The following GABRA5 variants were observed in gnomAD, a reference collection of about 807,000 sequenced individuals.
GABRA5 encodes the protein gamma-aminobutyric acid type A receptor subunit alpha5.
Under a neutral mutation model 47.3 loss-of-function variants are expected in GABRA5, and 18 were observed. That is an observed-to-expected ratio of 0.38 (90% CI 0.26 to 0.56). The LOEUF (loss-of-function observed/expected upper bound fraction) is 0.56, where lower values mean the gene tolerates loss of function less well. Among genes scored for constraint, GABRA5 ranks in the 20% least tolerant of loss-of-function variants. The pLI, the probability that GABRA5 is intolerant of heterozygous loss-of-function variation, is 0.71. For synonymous variants in GABRA5, 237 were observed against 229.3 expected, an observed-to-expected ratio of 1.03 and a Z score of -0.30; for missense variants, 365 against 599.3, an observed-to-expected ratio of 0.61 and a Z score of 4.08.
At chr15:26,867,049 C>T (rs1397732952), upstream of GABRA5, 2 of 152,148 alleles carry the variant, frequency 1.3e-5, no homozygotes, top group African/African-American at 4.8e-5. The surrounding 1 kb of genome is among the most constrained non-coding windows in gnomAD (Gnocchi z 5.9). Context: ...GCGGCCTCTA[C>T]CGGAGCACCT....
chr15:26,898,900 C>T (rs1296288573), intron 6 of GABRA5, among the ~76,000 whole-genome samples: 1 of 152,058 alleles, frequency 6.6e-6, no homozygotes, highest in Admixed American at 6.6e-5. Flanking sequence ...TGTCATTTAT[C>T]TCAATATTTT....
At chr15:26,899,277 C>A (rs997063817) in intron 6 of GABRA5, among the ~76,000 whole-genome samples, 2 of 152,130 alleles carry the variant, frequency 1.3e-5, no homozygotes, top group African/African-American at 4.8e-5. Context: ...TTACTGATTT[C>A]TAGTTTCATT....
chr15:26,933,015 T>C (rs1475082326), intron 7 of GABRA5, among the ~76,000 whole-genome samples: 1 of 151,194 alleles, frequency 6.6e-6, no homozygotes, highest in Non-Finnish European at 1.5e-5. Context: ...ACCTAGGTGA[T>C]GGGTTGATAG....
At chr15:26,923,739 G>A (rs1435815998) in intron 7 of GABRA5, among the ~76,000 whole-genome samples, 1 of 152,042 alleles carries the variant, frequency 6.6e-6, no homozygotes, top group African/African-American at 2.4e-5. Flanking sequence ...ATGGATCTCA[G>A]CTCTTTTGTT....
At position 26,943,393 on chromosome 15, in the gene GABRA5, T is replaced by A; in HGVS notation, c.1056T>A (p.Asp352Glu). 6.3e-7 allele frequency: 1 copy of A among 1,597,752 alleles called. No homozygotes were observed. Among genetic ancestry groups the A allele is most frequent in the South Asian group, 1.1e-5 (1 of 87,930 alleles). ...TTACCAAGAGAGGCTGGGCCTGGGATGGCAAAAAAGCCTTGGAAGCAGCCA... is the reference window on the plus strand; with the variant it reads ...TTACCAAGAGAGGCTGGGCCTGGGAAGGCAAAAAAGCCTTGGAAGCAGCCA... ...NYFTKRGWAW[D>E]GKKALEAAKI... Residue 352 changes from aspartate (D) to glutamate (E), a missense_variant, in exon 10 of 11, where the codon GAT becomes GAA. Asp to Glu is a conservative substitution (Grantham distance 45). Coordinates refer to ENST00000335625, the MANE Select transcript of GABRA5 (RefSeq NM_000810.4).
intron 6 of GABRA5, among the ~76,000 whole-genome samples, chr15:26,893,297 GTATATGGTGTGT>G (rs1893067687): frequency 3.6e-5 from 2 of 56,028 alleles, no homozygotes; most frequent in Non-Finnish European, 8.0e-5. Context: ...TGGCGTGTGT[GTATATGGTGTGT>G]TGTGTGTATA....
chr15:26,904,720 G>A (rs1893402508), intron 6 of GABRA5, among the ~76,000 whole-genome samples: 1 of 152,044 alleles, frequency 6.6e-6, no homozygotes, highest in African/African-American at 2.4e-5. Context: ...CATTCTTTTT[G>A]TGGTAATCAT....
chr15:26,917,232 T>C (rs1893737769), intron 7 of GABRA5, among the ~76,000 whole-genome samples: 2 of 152,120 alleles, frequency 1.3e-5, no homozygotes, highest in Admixed American at 1.3e-4. Flanking sequence ...GCATTTATCA[T>C]ATTGAGGTAA....
Position 26,914,984 on chromosome 15 carries a change from A to G in GABRA5, c.580+99A>G, listed in dbSNP as rs972606811. The G allele has an allele frequency of 4.5e-5, 41 of 904,360 alleles. No individual in the cohort carries two copies. The African/African-American group carries it at 5.6e-4, about 12-fold the overall frequency. The allele number at this position is 904,360 out of a possible 1,614,324, so 56.0% of individuals were successfully genotyped here. ...TAGGTTCTGCATATACATAAGCACA[A>G]TAGGATGCAGTCTGTTTAAGAAGCG... On this transcript the variant is annotated intron_variant, in intron 7 of 10. Coordinates refer to ENST00000335625, the MANE Select transcript of GABRA5 (RefSeq NM_000810.4).
At chr15:26,871,858 G>A (rs1299541497) in intron 3 of GABRA5, among the ~76,000 whole-genome samples, 3 of 152,218 alleles carry the variant, frequency 2.0e-5, no homozygotes, top group African/African-American at 7.2e-5. Context: ...AAATTTTCCT[G>A]TAGTGAACGT....
At chr15:26,919,123 A>C (rs1347167060) in intron 7 of GABRA5, among the ~76,000 whole-genome samples, 1 of 150,416 alleles carries the variant, frequency 6.6e-6, no homozygotes, top group Non-Finnish European at 1.5e-5. Context: ...AGCCTAGGCA[A>C]TAGTGTAACA....
intron 7 of GABRA5, among the ~76,000 whole-genome samples, chr15:26,935,278 A>G (rs769638675): frequency 1.5e-4 from 23 of 152,248 alleles, no homozygotes; most frequent in Non-Finnish European, 2.8e-4. Context: ...GTCATTTAAT[A>G]TTCACTAGTA....
chr15:26,924,813 C>T (rs755384426), intron 7 of GABRA5, among the ~76,000 whole-genome samples: 3 of 152,130 alleles, frequency 2.0e-5, no homozygotes, highest in Admixed American at 6.5e-5. Flanking sequence ...ATCGCACAGG[C>T]ATCAGTTTTT....
At chr15:26,928,749 T>C (rs1221305455) in intron 7 of GABRA5, among the ~76,000 whole-genome samples, 2 of 152,128 alleles carry the variant, frequency 1.3e-5, no homozygotes, top group African/African-American at 4.8e-5. Flanking sequence ...CTGAGGGACT[T>C]AAAAACACCA....
intron 7 of GABRA5, among the ~76,000 whole-genome samples, chr15:26,923,785 C>G (rs1179980785): frequency 6.6e-6 from 1 of 152,122 alleles, no homozygotes; most frequent in Admixed American, 6.6e-5. Context: ...TTCTGTTTTA[C>G]AGATTGGACA....
chr15:26,871,571 G>A (rs7173687), intron 3 of GABRA5, among the ~76,000 whole-genome samples: 97,406 of 151,932 alleles, frequency 0.64, 31,270 homozygotes, highest in Middle Eastern at 0.69. Context: ...CGATACAGAA[G>A]TCGATAATGA....
In GABRA5 at chr15:26,939,957, C is replaced by A; in HGVS notation, c.757C>A (p.Leu253Met). The A allele has an allele frequency of 6.2e-7, 1 of 1,613,976 alleles. No homozygotes were observed. Among genetic ancestry groups the A allele is most frequent in the Non-Finnish European group, 8.5e-7 (1 of 1,179,890 alleles). The change falls in exon 9 of 11, where the codon CTG becomes ATG. Residue 253 changes from leucine to methionine, a missense_variant. Leu to Met is a conservative substitution (Grantham distance 15, BLOSUM62 2). Around this residue, in one of 3 missense-constraint regions of GABRA5, gnomAD observed 216 missense variants for 335.3 expected, o/e 0.64. Transcript: ENST00000335625. ...CACAATCATGACAGCTCACTTCCAC[C>A]TGAAAAGGAAGATTGGCTACTTTGT... ...EYTIMTAHFHLKRKIGYFVIQ... is the reference protein window; with the variant it reads ...EYTIMTAHFHMKRKIGYFVIQ...
intron 7 of GABRA5, among the ~76,000 whole-genome samples, chr15:26,915,802 C>T (rs1893704391): frequency 6.6e-6 from 1 of 152,080 alleles, no homozygotes; most frequent in Non-Finnish European, 1.5e-5. Flanking sequence ...CCTGGCTATC[C>T]CACTCCTCTG....
chr15:26,937,552 G>C (rs1264751878), intron 8 of GABRA5, among the ~76,000 whole-genome samples: 3 of 152,182 alleles, frequency 2.0e-5, no homozygotes, highest in African/African-American at 7.2e-5. Context: ...GCACACAGAG[G>C]CACCAGCTGT....
Sources: gnomAD v4.1 joint callset for allele counts (sites outside exome capture counted in the v4.1 genomes callset) on GRCh38, gnomAD v4.1.1 for gene constraint, gnomAD v4.1.1 regional missense constraint, Gnocchi (gnomAD v3.1) non-coding constraint, MANE v1.5 for transcripts, NCBI Gene and HGNC (gene_info 2026-07-23, HGNC 2026-07-21) for gene names.